CSMD2: variants seen among roughly 807,000 people sequenced by gnomAD.
CSMD2 encodes CUB and Sushi multiple domains 2.
A neutral mutation model predicts 398.5 loss-of-function variants in CSMD2; 130 were observed. The ratio of observed to expected loss-of-function variants is 0.33; its 90% CI spans 0.28 to 0.38. The LOEUF (loss-of-function observed/expected upper bound fraction) is 0.38, where lower values mean the gene tolerates loss of function less well. Among genes scored for constraint, CSMD2 ranks in the 10% least tolerant of loss-of-function variants. The pLI, the probability that CSMD2 is intolerant of heterozygous loss-of-function variation, is 1.00. For missense variants in CSMD2, 3,829 were observed against 4,764.9 expected, an observed-to-expected ratio of 0.80 and a Z score of 5.78; for synonymous variants, 1,828 against 1,908.5, an observed-to-expected ratio of 0.96 and a Z score of 1.10.
At chr1:34,001,083 AAGG>A (rs1646888316) in intron 3 of CSMD2, among the ~76,000 whole-genome samples, 1 of 151,876 alleles carries the variant, frequency 6.6e-6, no homozygotes, top group South Asian at 2.1e-4. Context: ...GGAAAAGGAG[AAGG>A]AGGAATGAAT....
At chr1:34,064,106 C>A (rs1045606707) in intron 2 of CSMD2, among the ~76,000 whole-genome samples, 1 of 152,190 alleles carries the variant, frequency 6.6e-6, no homozygotes, top group Non-Finnish European at 1.5e-5. Context: ...GTATTCCTCC[C>A]GGGCCTCTGG....
intron 53 of CSMD2, among the ~76,000 whole-genome samples, chr1:33,564,097 C>CA (rs1206534749): frequency 6.6e-6 from 1 of 151,206 alleles, no homozygotes; most frequent in Admixed American, 6.6e-5. Flanking sequence ...ATCATCATCA[C>CA]ACAACAGCAG....
chr1:34,107,459 G>A (rs1341584290), intron 1 of CSMD2, among the ~76,000 whole-genome samples: 1 of 152,076 alleles, frequency 6.6e-6, no homozygotes, highest in Non-Finnish European at 1.5e-5. Flanking sequence ...ATATGAGATA[G>A]GTACTATTAC....
chr1:33,647,202 C>T, intron 28 of CSMD2, among the ~76,000 whole-genome samples: 1 of 152,142 alleles, frequency 6.6e-6, no homozygotes, highest in Non-Finnish European at 1.5e-5. Flanking sequence ...CACTAATGTC[C>T]TTATACTGTG....
chr1:33,697,436 G>A (rs1645456079), intron 24 of CSMD2, among the ~76,000 whole-genome samples: 1 of 152,180 alleles, frequency 6.6e-6, no homozygotes, highest in South Asian at 2.1e-4. Context: ...GTTCCATAAA[G>A]GCTACTGTTT....
Position 33,743,413 on chromosome 1 carries a change from G to A in CSMD2, c.2040C>T (p.Ala680=), listed in dbSNP as rs547519483. ...AGAAGGTGCCCAGGACGGGCGCCTC[G>A]GCGGTGGCCCCATCCTTGATGACCA... is the stretch of plus-strand genomic sequence containing the variant. ...DFLVIKDGAT[A]EAPVLGTFSG... The change falls in exon 14 of 71, where the codon GCC becomes GCT. Residue 680 remains alanine, a synonymous_variant. Transcript: ENST00000373381. The A allele has an allele frequency of 5.0e-5, 81 of 1,614,184 alleles. 1 individual carries two copies. The highest frequency in any genetic ancestry group is 3.3e-4 in the Middle Eastern group (2 of 6,062).
chr1:33,761,004 A>G (rs895785943), intron 13 of CSMD2, among the ~76,000 whole-genome samples: 2 of 152,166 alleles, frequency 1.3e-5, no homozygotes, highest in African/African-American at 4.8e-5. Flanking sequence ...GAAGATTCTG[A>G]CAAAACTCCC....
intron 49 of CSMD2, among the ~76,000 whole-genome samples, 187 bp from the exon 50 acceptor site, chr1:33,572,878 G>A (rs1479421959): frequency 1.3e-5 from 2 of 151,162 alleles, no homozygotes; most frequent in African/African-American, 2.4e-5. Flanking sequence ...TTTTTTTTAA[G>A]TTTGGAAGAA....
rs757987856 is a variant in CSMD2 at position 33,739,045 on chromosome 1, C to T, written c.2368+95G>A. The stretch of plus-strand genomic sequence containing the variant: ...GTTCTGGGAGAAGAGGAAGGACCAA[C>T]GCAGAAAGGAACCACCATGGCCTGG... On this transcript the variant is annotated intron_variant, in intron 15 of 70. Coordinates refer to ENST00000373381, the MANE Select transcript of CSMD2 (RefSeq NM_001281956.2). 1.0e-4 allele frequency: 127 copies of T among 1,247,222 alleles called. 2 individuals are homozygous for T. Among genetic ancestry groups the T allele is most frequent in the South Asian group, 8.3e-4 (58 of 70,274 alleles). The allele number at this position is 1,247,222 out of a possible 1,614,324, so 77.3% of individuals were successfully genotyped here. A position where few individuals can be genotyped will look rare whatever the true frequency, so the allele number is the denominator to read the frequency against.
chr1:33,685,867 G>A (rs1008108900), intron 25 of CSMD2, among the ~76,000 whole-genome samples: 7 of 152,198 alleles, frequency 4.6e-5, no homozygotes, highest in African/African-American at 1.7e-4. Flanking sequence ...ACAAGGCCTG[G>A]CCTTGGTCTG....
chr1:33,878,543 G>A (rs1383358136), intron 5 of CSMD2, among the ~76,000 whole-genome samples: 3 of 152,244 alleles, frequency 2.0e-5, no homozygotes, highest in Non-Finnish European at 2.9e-5. Context: ...TCTGCTCCCC[G>A]CATTGATCTG....
chr1:34,048,885 T>C (rs3131529), intron 2 of CSMD2, among the ~76,000 whole-genome samples: 104,795 of 152,000 alleles, frequency 0.69, 36,440 homozygotes, highest in Admixed American at 0.76. Context: ...GAAATGCTTG[T>C]TGGCCCACTT....
At position 33,846,884 on chromosome 1, in the gene CSMD2, C is replaced by A; in HGVS notation, c.1033G>T (p.Val345Phe). The A allele has an allele frequency of 6.3e-7, 1 of 1,591,744 alleles. No homozygotes were observed. Among genetic ancestry groups the A allele is most frequent in the Non-Finnish European group, 8.6e-7 (1 of 1,166,930 alleles). Residue 345 changes from valine to phenylalanine, a missense_variant and splice_region_variant, in exon 6 of 71, where the codon GTC (valine) becomes TTC (phenylalanine). Val to Phe is a conservative substitution (Grantham distance 50). This residue lies in a region of CSMD2 where 2,001 missense variants were observed against 2,567.1 expected (regional missense o/e 0.78). Transcript: ENST00000373381. ...CCAGACAGTCCTGGGACCTGCCTAC[C>A]TTGGTATTGGGCACTGAATCCGCGC... The part of the protein sequence containing the change: ...RQRGFSAQYQ[V>F]KKQIELKSRG...
At chr1:33,777,160 G>T (rs1652101228) in intron 12 of CSMD2, among the ~76,000 whole-genome samples, 1 of 152,162 alleles carries the variant, frequency 6.6e-6, no homozygotes, top group African/African-American at 2.4e-5. Flanking sequence ...TTGGGTGTGG[G>T]GAAGTGAGCT....
intron 4 of CSMD2, among the ~76,000 whole-genome samples, chr1:33,919,032 G>A (rs1292344240): frequency 6.6e-6 from 1 of 152,184 alleles, no homozygotes; most frequent in Non-Finnish European, 1.5e-5. Flanking sequence ...AAGAACACTG[G>A]CTATGGTATA....
intron 1 of CSMD2, among the ~76,000 whole-genome samples, chr1:34,121,121 T>A (rs1662141761): frequency 6.6e-6 from 1 of 152,176 alleles, no homozygotes; most frequent in Non-Finnish European, 1.5e-5. Context: ...AGGTGCACAA[T>A]GAATAGTTGT....
At chr1:33,763,033 A>T (rs1650027743) in intron 13 of CSMD2, among the ~76,000 whole-genome samples, 1 of 152,192 alleles carries the variant, frequency 6.6e-6, no homozygotes. Flanking sequence ...CTAATAACTG[A>T]GTTATGGCAG....
intron 2 of CSMD2, among the ~76,000 whole-genome samples, chr1:34,072,504 G>A (rs969561218): frequency 2.6e-5 from 4 of 152,132 alleles, no homozygotes; most frequent in African/African-American, 4.8e-5. Context: ...ATCTAGAGGT[G>A]GCCAAGTCTG....
intron 1 of CSMD2, among the ~76,000 whole-genome samples, chr1:34,103,816 C>G (rs1363926553): frequency 6.6e-6 from 1 of 151,974 alleles, no homozygotes; most frequent in Non-Finnish European, 1.5e-5. Flanking sequence ...AAATACTCAC[C>G]AACTTCATTT....
Sources: gnomAD v4.1 joint callset for allele counts (sites outside exome capture counted in the v4.1 genomes callset) on GRCh38, gnomAD v4.1.1 for gene constraint, gnomAD v4.1.1 regional missense constraint, MANE v1.5 for transcripts, NCBI Gene and HGNC (gene_info 2026-07-23, HGNC 2026-07-21) for gene names.